The following LPP variants were observed in gnomAD, a reference collection of about 807,000 sequenced individuals.
LPP encodes LIM domain containing preferred translocation partner in lipoma.
Under a neutral mutation model 60.4 loss-of-function variants are expected in LPP, and 38 were observed. The ratio of observed to expected loss-of-function variants is 0.63; its 90% confidence interval spans 0.49 to 0.83. The LOEUF (loss-of-function observed/expected upper bound fraction) is 0.83, where lower values mean the gene tolerates loss of function less well. Ranked by LOEUF, LPP falls within the 40% of genes least tolerant of loss-of-function variation. The pLI, the probability that LPP is intolerant of heterozygous loss-of-function variation, is 0.00. For missense variants in LPP, 902 were observed against 783.6 expected, an observed-to-expected ratio of 1.15 and a Z score of -1.80; for synonymous variants, 328 against 290.8, an observed-to-expected ratio of 1.13 and a Z score of -1.30.
intron 6 of LPP, among the ~76,000 whole-genome samples, chr3:188,585,856 A>T (rs1837318246): frequency 6.6e-6 from 1 of 152,248 alleles, no homozygotes; most frequent in Admixed American, 6.5e-5. Flanking sequence ...ATTTATGTAC[A>T]GATATAAGTC....
At chr3:188,633,466 C>T (rs1427555828) in intron 7 of LPP, among the ~76,000 whole-genome samples, 2 of 152,170 alleles carry the variant, frequency 1.3e-5, no homozygotes, top group Non-Finnish European at 2.9e-5. Flanking sequence ...GCACACCTCT[C>T]GATGAGAATG....
At chr3:188,604,825 A>G (rs960635208) in intron 6 of LPP, among the ~76,000 whole-genome samples, 1 of 152,164 alleles carries the variant, frequency 6.6e-6, no homozygotes, top group Non-Finnish European at 1.5e-5. Context: ...ACATATGCAC[A>G]TGTGATATGT....
chr3:188,363,954 A>G (rs1770348345), intron 3 of LPP, among the ~76,000 whole-genome samples: 1 of 151,612 alleles, frequency 6.6e-6, no homozygotes, highest in Admixed American at 6.6e-5. Flanking sequence ...CCTTTGGGCA[A>G]GATGTTGGCA....
Position 188,682,862 on chromosome 3 carries a change from A to T in LPP, c.1114-25405A>T, listed in dbSNP as rs183329713. ...AGAGAAGGGCAACTCTTCAGGCCCTAATGCACACAGGAAACTAGGGATGTG... is the reference window on the plus strand; with the variant it reads ...AGAGAAGGGCAACTCTTCAGGCCCTTATGCACACAGGAAACTAGGGATGTG... On this transcript the variant is annotated intron_variant, in intron 7 of 11. Transcript: ENST00000617246. Among the ~76,000 whole-genome samples, 1,164 of 152,312 alleles carry T rather than the reference A, an allele frequency of 7.6e-3. 7 individuals carry two copies. Among genetic ancestry groups the T allele is most frequent in the Non-Finnish European group, 0.011 (763 of 68,024 alleles).
At chr3:188,814,864 G>T (rs970753312) in intron 9 of LPP, among the ~76,000 whole-genome samples, 1 of 152,222 alleles carries the variant, frequency 6.6e-6, no homozygotes, top group South Asian at 2.1e-4. Context: ...TAGCGGCAGA[G>T]CCCAGAAGAT....
intron 4 of LPP, among the ~76,000 whole-genome samples, chr3:188,469,897 A>G (rs1801388463): frequency 6.6e-6 from 1 of 152,146 alleles, no homozygotes; most frequent in South Asian, 2.1e-4. Flanking sequence ...TATGTAGGAC[A>G]TTATAGTTTT....
At chr3:188,473,782 T>C (rs765187839) in intron 4 of LPP, among the ~76,000 whole-genome samples, 5 of 152,248 alleles carry the variant, frequency 3.3e-5, no homozygotes, top group Non-Finnish European at 7.3e-5. Context: ...TTAAGGGATA[T>C]ACATATACTG....
rs1312693592 is a variant in LPP, at chr3:188,766,506, TAC to T, written c.1410+6226_1410+6227del. On this transcript the variant is annotated intron_variant, in intron 9 of 11. Transcript: ENST00000617246. ...CTAATTAATGATCCTAGAAAATAGT[TAC>T]AGTTATTTTTGCCTTCATTTCCAGT... is the stretch of plus-strand genomic sequence containing the variant. Among the ~76,000 whole-genome samples, 3 of 152,294 alleles carry T rather than the reference TAC, an allele frequency of 2.0e-5. No individual in the cohort carries two copies. The East Asian group carries it at 5.8e-4, about 29-fold the overall frequency.
At chr3:188,849,274 C>A (rs187441037) in intron 9 of LPP, among the ~76,000 whole-genome samples, 1 of 152,104 alleles carries the variant, frequency 6.6e-6, no homozygotes, top group East Asian at 1.9e-4. Context: ...GCTGCAAGGA[C>A]GACTGGGAAA....
chr3:188,609,280 G>A lies in LPP; in HGVS notation c.549G>A (p.Gln183=). ...CCAAGAAGTCTACATTGAAACCACA[G>A]CCTGCACCCCAGGCTGGACCCATCC... The part of the protein sequence containing the change: ...TATKKSTLKP[Q]PAPQAGPIPV... Residue 183 remains glutamine (Q), a synonymous_variant, in exon 7 of 12, where the codon CAG becomes CAA. Transcript: ENST00000617246. The surrounding 1 kb of genome is among the most constrained non-coding windows in gnomAD (Gnocchi z 6.9). 1.2e-6 allele frequency: 2 copies of A among 1,614,038 alleles called. No homozygotes were observed. Among genetic ancestry groups the A allele is most frequent in the Non-Finnish European group, 1.7e-6 (2 of 1,180,006 alleles).
intron 8 of LPP, among the ~76,000 whole-genome samples, chr3:188,736,159 T>C (rs936852670): frequency 6.6e-6 from 1 of 152,212 alleles, no homozygotes; most frequent in Non-Finnish European, 1.5e-5. Context: ...TGATCTGTAC[T>C]GAGAACAGAT....
At chr3:188,224,551 G>A (rs1237474385) in intron 1 of LPP, among the ~76,000 whole-genome samples, 4 of 152,096 alleles carry the variant, frequency 2.6e-5, no homozygotes, top group Admixed American at 2.6e-4. Flanking sequence ...GCTGAGGCTC[G>A]GTAATCTATA....
chr3:188,790,948 G>A (rs979597768), intron 9 of LPP, among the ~76,000 whole-genome samples: 3 of 142,614 alleles, frequency 2.1e-5, no homozygotes, highest in East Asian at 2.1e-4. Flanking sequence ...AAAAAAAAAC[G>A]CTTTAGAAAA....
At chr3:188,847,840 T>C (rs1166262175) in intron 9 of LPP, among the ~76,000 whole-genome samples, 4 of 152,222 alleles carry the variant, frequency 2.6e-5, no homozygotes, top group Non-Finnish European at 5.9e-5. Flanking sequence ...TGTTATTTAA[T>C]AGAATGCAAA....
chr3:188,592,012 G>A (rs1838819797), intron 6 of LPP, among the ~76,000 whole-genome samples: 3 of 152,164 alleles, frequency 2.0e-5, no homozygotes, highest in African/African-American at 7.2e-5. Flanking sequence ...CTGGCATTTT[G>A]ATATACTATT....
chr3:188,252,075 T>TACAC (rs1187257468), intron 2 of LPP, among the ~76,000 whole-genome samples: 826 of 58,348 alleles, frequency 0.014, 35 homozygotes, highest in African/African-American at 0.044. Flanking sequence ...TATATATATA[T>TACAC]ACACACACAC....
At chr3:188,637,234 G>A (rs1458597026) in intron 7 of LPP, among the ~76,000 whole-genome samples, 1 of 152,010 alleles carries the variant, frequency 6.6e-6, no homozygotes, top group Admixed American at 6.6e-5. Flanking sequence ...CAACTACATG[G>A]AAACTGACCA....
chr3:188,883,393 AACAGT>A lies in LPP; in HGVS notation c.*8918_*8922del. ...TGCCTTCCCCAGTAACTAACCCATGAACAGTACACCCCTTTTATCTGACTTGTTGA... is the reference window on the plus strand; with the variant it reads ...TGCCTTCCCCAGTAACTAACCCATGAACACCCCTTTTATCTGACTTGTTGA... On this transcript the variant is annotated 3_prime_UTR_variant, in exon 12 of 12. Coordinates refer to ENST00000617246, the MANE Select transcript of LPP (RefSeq NM_001375462.1). 4.7e-6 allele frequency: 1 copy of A among 210,594 alleles called. No homozygotes were observed. The highest frequency in any genetic ancestry group is 9.7e-6 in the Non-Finnish European group (1 of 103,552). The allele number at this position is 210,594 out of a possible 1,614,324, so 13.0% of individuals were successfully genotyped here. A position where few individuals can be genotyped will look rare whatever the true frequency, so the allele number is the denominator to read the frequency against.
At chr3:188,663,863 C>T (rs1186668257) in intron 7 of LPP, among the ~76,000 whole-genome samples, 1 of 152,070 alleles carries the variant, frequency 6.6e-6, no homozygotes, top group Non-Finnish European at 1.5e-5. Flanking sequence ...ATGCGCAGTT[C>T]ACAATAAGGT....
Sources: allele counts gnomAD v4.1 joint callset (sites outside exome capture counted in the v4.1 genomes callset), GRCh38; gene constraint gnomAD v4.1.1; non-coding constraint Gnocchi (gnomAD v3.1); transcripts MANE v1.5; gene names NCBI Gene and HGNC (gene_info 2026-07-23, HGNC 2026-07-21).